The following FBXW8 variants were observed in gnomAD, a reference collection of about 807,000 sequenced individuals.
The protein encoded by FBXW8 is F-box/WD repeat-containing protein 8.
In FBXW8, 57 loss-of-function variants were observed where a neutral mutation model predicts 65.3. The ratio of observed to expected loss-of-function variants is 0.87; its 90% confidence interval spans 0.71 to 1.09. FBXW8 has a LOEUF of 1.09. Among genes scored for constraint, FBXW8 ranks in the 50% least tolerant of loss-of-function variants. FBXW8 has a pLI of 0.00. For synonymous variants in FBXW8, 308 were observed against 330.2 expected (o/e 0.93, Z 0.73); for missense variants, 777 against 814.8 (o/e 0.95, Z 0.57).
intron 1 of FBXW8, among the ~76,000 whole-genome samples, chr12:116,925,958 A>G (rs1370609587): frequency 6.6e-6 from 1 of 152,172 alleles, no homozygotes; most frequent in Non-Finnish European, 1.5e-5. Flanking sequence ...CCCAGGGATT[A>G]TGGTGGTTGG....
intron 1 of FBXW8, 149 bp downstream of exon 1, chr12:116,911,504 A>G (rs909427187): frequency 5.6e-6 from 3 of 532,882 alleles, no homozygotes; most frequent in Non-Finnish European, 8.6e-6. Context: ...GTGCTTGCAT[A>G]GGGGTCTTTC....
intron 4 of FBXW8, among the ~76,000 whole-genome samples, chr12:116,954,656 G>T (rs1883518786): frequency 1.3e-5 from 2 of 152,180 alleles, no homozygotes; most frequent in East Asian, 1.9e-4. Flanking sequence ...TTGCAATCCT[G>T]ATTGTTTTCC....
intron 5 of FBXW8, among the ~76,000 whole-genome samples, chr12:116,967,897 G>A (rs967465624): frequency 6.6e-6 from 1 of 152,150 alleles, no homozygotes; most frequent in Non-Finnish European, 1.5e-5. Context: ...CTCCTGAGTA[G>A]CTGGGATTAC....
chr12:116,963,760 G>A (rs142959656), intron 4 of FBXW8, among the ~76,000 whole-genome samples: 3 of 152,286 alleles, frequency 2.0e-5, no homozygotes, highest in African/African-American at 7.2e-5. Context: ...TATGGCTAGG[G>A]CCTCAGGAAG....
Position 116,945,382 on chromosome 12 carries a change from G to T in FBXW8, c.442G>T (p.Val148Leu). ...GTTTTAGGTGAGCAAGACGTGGAAG[G>T]TGATTGCAGAGGATGAGGTGCTGTG... ...RCAQVSKTWK[V>L]IAEDEVLWYR... Residue 148 changes from valine to leucine, a missense_variant, in exon 3 of 11, where the codon GTG (valine) becomes TTG (leucine). Transcript: ENST00000652555. 6.2e-7 allele frequency: 1 copy of T among 1,613,080 alleles called. No individual in the cohort carries two copies. The highest frequency in any genetic ancestry group is 8.5e-7 in the Non-Finnish European group (1 of 1,179,484).
intron 1 of FBXW8, among the ~76,000 whole-genome samples, chr12:116,919,993 T>A (rs1035006006): frequency 6.6e-6 from 1 of 152,252 alleles, no homozygotes; most frequent in Non-Finnish European, 1.5e-5. Flanking sequence ...CTGGCTAATA[T>A]GCAGTGAGAC....
intron 9 of FBXW8, 33 bp downstream of exon 9, chr12:117,024,353 C>G (rs772462895): frequency 6.2e-7 from 1 of 1,611,770 alleles, no homozygotes; most frequent in South Asian, 1.1e-5. Context: ...TTGGGAGTTC[C>G]TAGTAGGAAC....
intron 2 of FBXW8, among the ~76,000 whole-genome samples, chr12:116,933,097 C>G (rs867297792): frequency 6.6e-6 from 1 of 152,156 alleles, no homozygotes; most frequent in Non-Finnish European, 1.5e-5. Flanking sequence ...ATATTGTTTT[C>G]TTTCCCCTTG....
Position 117,027,402 on chromosome 12 carries a change from T to C in FBXW8, c.1550T>C (p.Val517Ala). The change falls in exon 10 of 11, where the codon GTG becomes GCG. Residue 517 changes from valine to alanine, a missense_variant. Val to Ala is a moderately conservative substitution (Grantham distance 64). Transcript: ENST00000652555. ...CTCCCACTGCCTTCCAGGCACCCGG[T>C]GCAGCACATCTCATTCAGCAGCCAC... ...KLWEVYSGHP[V>A]QHISFSSHSL... 6.2e-7 allele frequency: 1 copy of C among 1,613,956 alleles called. No homozygotes were observed. The highest frequency in any genetic ancestry group is 1.1e-5 in the South Asian group (1 of 91,074).
intron 8 of FBXW8, among the ~76,000 whole-genome samples, chr12:117,015,059 C>A (rs192834408): frequency 9.2e-5 from 14 of 152,290 alleles, no homozygotes; most frequent in African/African-American, 2.9e-4. Flanking sequence ...CTACAATAAC[C>A]CTCACCCCTA....
chr12:116,952,964 C>G (rs897058286), intron 4 of FBXW8, among the ~76,000 whole-genome samples: 2 of 152,176 alleles, frequency 1.3e-5, no homozygotes, highest in Non-Finnish European at 2.9e-5. Flanking sequence ...TCTCAAACCC[C>G]TGGCTTCAAG....
chr12:116,912,949 A>G (rs1232263060), intron 1 of FBXW8, among the ~76,000 whole-genome samples: 2 of 152,192 alleles, frequency 1.3e-5, no homozygotes, highest in African/African-American at 4.8e-5. Context: ...CCTTTTACAA[A>G]TGAAGAAACT....
At chr12:116,987,672 GTTAT>G (rs1368902416) in intron 6 of FBXW8, among the ~76,000 whole-genome samples, 5 of 152,094 alleles carry the variant, frequency 3.3e-5, no homozygotes, top group Admixed American at 6.5e-5. Flanking sequence ...GGAGCTGAAT[GTTAT>G]TTATTCAGTT....
intron 5 of FBXW8, among the ~76,000 whole-genome samples, chr12:116,981,539 G>A (rs1885302460): frequency 6.6e-6 from 1 of 151,850 alleles, no homozygotes; most frequent in Non-Finnish European, 1.5e-5. Flanking sequence ...TGTAACATAT[G>A]TAGAAATAAA....
rs923339903 is a variant in FBXW8, at chr12:117,031,044, T to C, written c.*2872T>C. The C allele has an allele frequency of 2.0e-5, 3 of 152,244 alleles. No homozygotes were observed. The highest frequency in any genetic ancestry group is 7.2e-5 in the African/African-American group (3 of 41,460). The allele number at this position is 152,244 out of a possible 1,614,324, so 9.4% of individuals were successfully genotyped here. On this transcript the variant is annotated 3_prime_UTR_variant, in exon 11 of 11. Coordinates refer to ENST00000652555, the MANE Select transcript of FBXW8 (RefSeq NM_153348.3). The stretch of plus-strand genomic sequence containing the variant: ...CGAGCATGCTGCCAGGGGAGCTGGA[T>C]GGTGAAACACCTGAAGATCTCATAT...
chr12:116,938,365 C>A (rs1194156430), intron 2 of FBXW8, among the ~76,000 whole-genome samples: 1 of 152,060 alleles, frequency 6.6e-6, no homozygotes, highest in African/African-American at 2.4e-5. Context: ...TATTTGTTAT[C>A]CAGGACTTAA....
intron 5 of FBXW8, among the ~76,000 whole-genome samples, chr12:116,969,122 T>C (rs1048996551): frequency 8.5e-5 from 13 of 152,206 alleles, no homozygotes; most frequent in African/African-American, 3.1e-4. Context: ...TTGTCAGTCT[T>C]GTCCTTTGGG....
intron 2 of FBXW8, among the ~76,000 whole-genome samples, chr12:116,942,930 A>G (rs551756675): frequency 2.0e-5 from 3 of 151,662 alleles, no homozygotes; most frequent in African/African-American, 7.3e-5. Context: ...GGTGCGTGCC[A>G]CCATGCCTGG....
At chr12:116,984,256 G>A (rs766125861) in intron 5 of FBXW8, among the ~76,000 whole-genome samples, 1 of 152,176 alleles carries the variant, frequency 6.6e-6, no homozygotes, top group Non-Finnish European at 1.5e-5. Context: ...AAACTCCAGT[G>A]GACATCCCCA....
Sources: allele counts gnomAD v4.1 joint callset (sites outside exome capture counted in the v4.1 genomes callset), GRCh38; gene constraint gnomAD v4.1.1; transcripts MANE v1.5; gene names NCBI Gene and HGNC (gene_info 2026-07-23, HGNC 2026-07-21).